The following ATP5PB variants were observed in gnomAD, a reference collection of about 807,000 sequenced individuals.
ATP5PB encodes the protein ATP synthase peripheral stalk subunit b, mitochondrial.
In ATP5PB, 21 loss-of-function variants were observed where a neutral mutation model predicts 34.5. The ratio of observed to expected loss-of-function variants is 0.61; its 90% CI spans 0.43 to 0.88. The LOEUF (loss-of-function observed/expected upper bound fraction) is 0.88, where lower values mean the gene tolerates loss of function less well. Among genes scored for constraint, ATP5PB ranks in the 40% least tolerant of loss-of-function variants. ATP5PB has a pLI of 0.00. For synonymous variants in ATP5PB, 108 were observed against 114.1 expected, an observed-to-expected ratio of 0.95 and a Z score of 0.34; for missense variants, 293 against 317.4, an observed-to-expected ratio of 0.92 and a Z score of 0.58.
At chr1:111,459,333 A>G in intron 5 of ATP5PB, 124 bp from the exon 6 acceptor site, 1 of 901,288 alleles carries the variant, frequency 1.1e-6, no homozygotes, top group African/African-American at 1.7e-5. Context: ...CATATTACCT[A>G]TTAAATAAAA....
chr1:111,453,229 A>G (rs1653382272), intron 2 of ATP5PB, among the ~76,000 whole-genome samples: 1 of 152,128 alleles, frequency 6.6e-6, no homozygotes, highest in South Asian at 2.1e-4. Flanking sequence ...GTAACTGTTA[A>G]AAGTGTAGTC....
intron 2 of ATP5PB, among the ~76,000 whole-genome samples, chr1:111,451,361 G>C (rs901783963): frequency 2.0e-5 from 3 of 152,086 alleles, no homozygotes; most frequent in African/African-American, 4.8e-5. Context: ...AATGTCATCT[G>C]ACTCCCTACC....
intron 3 of ATP5PB, among the ~76,000 whole-genome samples, chr1:111,455,091 G>A (rs1319791974): frequency 6.6e-6 from 1 of 152,070 alleles, no homozygotes; most frequent in Admixed American, 6.5e-5. Context: ...TCTACTACAT[G>A]TACTGCCTTT....
At chr1:111,455,544 A>G (rs1340812858) in intron 3 of ATP5PB, among the ~76,000 whole-genome samples, 1 of 152,232 alleles carries the variant, frequency 6.6e-6, no homozygotes, top group Non-Finnish European at 1.5e-5. Flanking sequence ...GGTTAAAGAA[A>G]AAGCCATATT....
At chr1:111,460,621 T>C (rs940058289) in intron 6 of ATP5PB, among the ~76,000 whole-genome samples, 1 of 152,200 alleles carries the variant, frequency 6.6e-6, no homozygotes, top group African/African-American at 2.4e-5. Context: ...CAAGCCAACA[T>C]CAGTGGCAGA....
At position 111,449,884 on chromosome 1, in the gene ATP5PB, G is replaced by C. The variant is rs1400774057; in HGVS notation, c.77+11G>C. On this transcript the variant is annotated intron_variant, in intron 2 of 6. Transcript: ENST00000369722. ...CTTCCTAGGTCCAGGGTAAGTGTGA[G>C]GATAATGCTCCCTTTCGTCTTTGTT... 6.2e-7 allele frequency: 1 copy of C among 1,613,980 alleles called. No homozygotes were observed. Among genetic ancestry groups the C allele is most frequent in the Admixed American group, 1.7e-5 (1 of 59,990 alleles).
chr1:111,449,811 C>T, intron 1 of ATP5PB, 26 bp from the exon 2 acceptor site: 1 of 1,614,168 alleles, frequency 6.2e-7, no homozygotes, highest in East Asian at 2.2e-5. Context: ...TTTGACTTTG[C>T]TGACCTTCGC....
At chr1:111,456,906 C>A in intron 5 of ATP5PB, 151 bp downstream of exon 5, 2 of 999,426 alleles carry the variant, frequency 2.0e-6, no homozygotes, top group East Asian at 3.1e-5. Context: ...CACGGCTATT[C>A]AAACATTTAA....
chr1:111,449,471 G>A lies in ATP5PB; in HGVS notation c.-71G>A. 6.2e-7 allele frequency: 1 copy of A among 1,614,184 alleles called. No homozygotes were observed. The highest frequency in any genetic ancestry group is 1.1e-5 in the South Asian group (1 of 91,086). ...GCGAGACTTGTGAGCGGCCATCTTG[G>A]TCCTGCCCTGACAGATTCTCCTATC... On this transcript the variant is annotated 5_prime_UTR_variant, in exon 1 of 7. Transcript: ENST00000369722.
At chr1:111,454,445 T>G (rs1375804694) in intron 3 of ATP5PB, 89 bp downstream of exon 3, 1 of 1,397,110 alleles carries the variant, frequency 7.2e-7, no homozygotes, top group Non-Finnish European at 9.6e-7. Context: ...GTTTTTGTTG[T>G]TGTTGTTGTT....
In ATP5PB at chr1:111,449,496, C is replaced by A; in HGVS notation, c.-46C>A. On this transcript the variant is annotated 5_prime_UTR_variant, in exon 1 of 7. Coordinates refer to ENST00000369722, the MANE Select transcript of ATP5PB (RefSeq NM_001688.5). ...GTCCTGCCCTGACAGATTCTCCTAT[C>A]GGGGTCACAGGGACGCTAAGATTGC... 1 of 1,614,222 alleles carries A rather than the reference C, an allele frequency of 6.2e-7. No homozygotes were observed. Among genetic ancestry groups the A allele is most frequent in the Non-Finnish European group, 8.5e-7 (1 of 1,180,028 alleles).
In ATP5PB at chr1:111,460,905, T is replaced by A; in HGVS notation, c.694-12T>A. ...GGAAAGGTCTAACCAGATTTCTCTT[T>A]CCTTATCACAGGAAAAGGAGACAAT... On this transcript the variant is annotated splice_polypyrimidine_tract_variant and intron_variant, in intron 6 of 6. Transcript: ENST00000369722. 6.2e-7 allele frequency: 1 copy of A among 1,613,450 alleles called. No homozygotes were observed. Among genetic ancestry groups the A allele is most frequent in the African/African-American group, 1.3e-5 (1 of 75,028 alleles).
intron 5 of ATP5PB, 57 bp from the exon 6 acceptor site, chr1:111,459,397 GAGT>G: frequency 6.7e-7 from 1 of 1,485,984 alleles, no homozygotes; most frequent in Non-Finnish European, 9.1e-7. Flanking sequence ...AGAATCTTCA[GAGT>G]AGAAGTATTC....
chr1:111,455,905 C>G (rs952626337), intron 3 of ATP5PB, among the ~76,000 whole-genome samples, 181 bp from the exon 4 acceptor site: 6 of 152,168 alleles, frequency 3.9e-5, no homozygotes, highest in African/African-American at 1.4e-4. Flanking sequence ...ATACAGATTT[C>G]CCTGAGTCCA....
At chr1:111,457,781 C>T (rs1653517034) in intron 5 of ATP5PB, among the ~76,000 whole-genome samples, 1 of 151,992 alleles carries the variant, frequency 6.6e-6, no homozygotes, top group African/African-American at 2.4e-5. Flanking sequence ...AAACAAGATC[C>T]CTAAAGACTC....
chr1:111,450,388 C>T (rs1198748463), intron 2 of ATP5PB, among the ~76,000 whole-genome samples: 3 of 152,086 alleles, frequency 2.0e-5, no homozygotes, highest in Admixed American at 6.5e-5. Context: ...AATTACCTGC[C>T]CTCATGGAGC....
At chr1:111,449,759 A>T (rs1653253985) in intron 1 of ATP5PB, 78 bp from the exon 2 acceptor site, 2 of 1,605,604 alleles carry the variant, frequency 1.2e-6, no homozygotes, top group Admixed American at 3.3e-5. Flanking sequence ...AGGCTTAGTG[A>T]TAGAGCCTGG....
chr1:111,456,014 A>G, intron 3 of ATP5PB, 72 bp from the exon 4 acceptor site: 2 of 1,300,166 alleles, frequency 1.5e-6, no homozygotes, highest in Non-Finnish European at 2.0e-6. Flanking sequence ...AATCAAATAT[A>G]GAAGTACCTT....
intron 3 of ATP5PB, among the ~76,000 whole-genome samples, chr1:111,455,053 G>A (rs926250406): frequency 6.6e-6 from 1 of 152,164 alleles, no homozygotes; most frequent in African/African-American, 2.4e-5. Flanking sequence ...TGTAAGGCAA[G>A]AGTCCCCTGA....
Sources: allele counts gnomAD v4.1 joint callset (sites outside exome capture counted in the v4.1 genomes callset), GRCh38; gene constraint gnomAD v4.1.1; transcripts MANE v1.5; gene names NCBI Gene and HGNC (gene_info 2026-07-23, HGNC 2026-07-21).